The following CSMD1 variants were observed in gnomAD, a reference collection of about 807,000 sequenced individuals.
CSMD1 encodes CUB and Sushi multiple domains 1.
Under a neutral mutation model 417.5 loss-of-function variants are expected in CSMD1, and 213 were observed. That is an observed-to-expected ratio of 0.51 (90% CI 0.46 to 0.57). The LOEUF (loss-of-function observed/expected upper bound fraction) is 0.57. Ranked by LOEUF, CSMD1 falls within the 20% of genes least tolerant of loss-of-function variation. The pLI, the probability that CSMD1 is intolerant of heterozygous loss-of-function variation, is 0.00. For missense variants in CSMD1, 6,923 were observed against 4,529.7 expected (o/e 1.53, Z -15.17); for synonymous variants, 2,862 against 1,736.8 (o/e 1.65, Z -16.11).
intron 25 of CSMD1, among the ~76,000 whole-genome samples, chr8:3,292,103 G>T (rs1803622742): frequency 6.6e-6 from 1 of 152,166 alleles, no homozygotes; most frequent in Non-Finnish European, 1.5e-5. Flanking sequence ...TCATTCAGGA[G>T]CAGGTTGTTC....
chr8:3,163,532 G>A (rs1331644031), intron 37 of CSMD1, among the ~76,000 whole-genome samples: 1 of 151,898 alleles, frequency 6.6e-6, no homozygotes, highest in African/African-American at 2.4e-5. Flanking sequence ...CCCACGCGGG[G>A]CTCTGCCCTG....
At chr8:4,658,775 T>C (rs1302860927) in intron 1 of CSMD1, among the ~76,000 whole-genome samples, 1 of 152,102 alleles carries the variant, frequency 6.6e-6, no homozygotes, top group African/African-American at 2.4e-5. Context: ...AAAAGACAAA[T>C]ACATAAAACA....
chr8:4,189,517 T>C (rs1563246422), intron 3 of CSMD1, among the ~76,000 whole-genome samples: 1 of 152,206 alleles, frequency 6.6e-6, no homozygotes, highest in Admixed American at 6.5e-5. Context: ...TAAACATATA[T>C]TAAAGATCAA....
chr8:3,291,258 T>G (rs1008510023), intron 25 of CSMD1, among the ~76,000 whole-genome samples: 1 of 152,198 alleles, frequency 6.6e-6, no homozygotes, highest in Non-Finnish European at 1.5e-5. Context: ...TGCATCGATG[T>G]TCATAAGGGA....
At chr8:4,406,813 A>T (rs191858055) in intron 3 of CSMD1, among the ~76,000 whole-genome samples, 2 of 152,332 alleles carry the variant, frequency 1.3e-5, no homozygotes, top group Non-Finnish European at 2.9e-5. Context: ...GGTGACTAAC[A>T]AAGTTGTCTT....
intron 5 of CSMD1, among the ~76,000 whole-genome samples, chr8:3,945,638 A>T (rs1336838664): frequency 2.6e-5 from 4 of 152,120 alleles, no homozygotes; most frequent in African/African-American, 9.6e-5. Context: ...TCACAGTATT[A>T]ACTAAGCCTG....
chr8:4,958,691 T>C (rs551505108), intron 1 of CSMD1, among the ~76,000 whole-genome samples: 4 of 152,142 alleles, frequency 2.6e-5, no homozygotes, highest in South Asian at 2.1e-4. Context: ...TTAAGAATAA[T>C]AGACATAATT....
intron 68 of CSMD1, 118 bp downstream of exon 68, chr8:2,949,181 C>T (rs534428752): frequency 5.0e-6 from 3 of 595,924 alleles, no homozygotes; most frequent in East Asian, 3.0e-5. Context: ...ATATGTTAGT[C>T]TCTCTCATTA....
intron 3 of CSMD1, among the ~76,000 whole-genome samples, chr8:4,170,972 G>C (rs1004582964): frequency 1.3e-5 from 2 of 151,848 alleles, no homozygotes; most frequent in Non-Finnish European, 1.5e-5. Context: ...GGCTGCAGTT[G>C]ACGAACTGAG....
At chr8:3,790,535 A>G (rs910915799) in intron 5 of CSMD1, among the ~76,000 whole-genome samples, 1 of 152,214 alleles carries the variant, frequency 6.6e-6, no homozygotes, top group African/African-American at 2.4e-5. Flanking sequence ...GATGGTGATA[A>G]TAACAACAGA....
intron 4 of CSMD1, among the ~76,000 whole-genome samples, chr8:4,009,626 GAAAT>G (rs1412828609): frequency 6.6e-6 from 1 of 152,118 alleles, no homozygotes; most frequent in African/African-American, 2.4e-5. Context: ...ATCCAGGAAA[GAAAT>G]AAGAAATACA....
chr8:3,945,751 A>G (rs1301386147), intron 5 of CSMD1, among the ~76,000 whole-genome samples: 3 of 152,200 alleles, frequency 2.0e-5, no homozygotes, highest in Non-Finnish European at 2.9e-5. Flanking sequence ...AAAACCAAGA[A>G]ATGGGCTGGA....
intron 2 of CSMD1, among the ~76,000 whole-genome samples, chr8:4,625,679 G>A (rs923952014): frequency 1.3e-5 from 2 of 151,966 alleles, no homozygotes; most frequent in African/African-American, 4.8e-5. Flanking sequence ...ACCTAAGCAA[G>A]CAAATATAAT....
At chr8:4,362,798 T>G (rs1455561570) in intron 3 of CSMD1, among the ~76,000 whole-genome samples, 1 of 152,242 alleles carries the variant, frequency 6.6e-6, no homozygotes, top group Non-Finnish European at 1.5e-5. Flanking sequence ...TGAAAGGGAA[T>G]TATTATTGTA....
chr8:4,714,763 G>C (rs897999801), intron 1 of CSMD1, among the ~76,000 whole-genome samples: 1 of 152,034 alleles, frequency 6.6e-6, no homozygotes, highest in Non-Finnish European at 1.5e-5. Flanking sequence ...TGAAATAATA[G>C]AGGAAAAATA....
chr8:3,199,678 A>G, intron 33 of CSMD1, 36 bp downstream of exon 33: 2 of 1,421,670 alleles, frequency 1.4e-6, no homozygotes, highest in Non-Finnish European at 1.9e-6. Flanking sequence ...AGGAAAGACC[A>G]CAGTGACATG....
At chr8:4,400,636 T>G (rs988896373) in intron 3 of CSMD1, among the ~76,000 whole-genome samples, 2 of 152,224 alleles carry the variant, frequency 1.3e-5, no homozygotes, top group Non-Finnish European at 1.5e-5. Flanking sequence ...CCTGCAATCT[T>G]GAAGTCTTTA....
intron 5 of CSMD1, among the ~76,000 whole-genome samples, chr8:3,948,599 T>G (rs538733006): frequency 6.6e-5 from 10 of 152,270 alleles, no homozygotes; most frequent in South Asian, 4.2e-4. Flanking sequence ...GATGAACGTG[T>G]TTTAACATCA....
At chr8:4,885,773 G>A (rs906479659) in intron 1 of CSMD1, among the ~76,000 whole-genome samples, 3 of 151,628 alleles carry the variant, frequency 2.0e-5, no homozygotes, top group Non-Finnish European at 4.4e-5. Context: ...TTTCCTGATG[G>A]TTTCCTTTCA....
Sources: allele counts gnomAD v4.1 joint callset (sites outside exome capture counted in the v4.1 genomes callset), GRCh38; gene constraint gnomAD v4.1.1; transcripts MANE v1.5; gene names NCBI Gene and HGNC (gene_info 2026-07-23, HGNC 2026-07-21).